The following KCNIP4 variants were observed in gnomAD, a reference collection of about 807,000 sequenced individuals.
The protein encoded by KCNIP4 is potassium voltage-gated channel interacting protein 4.
In KCNIP4, 12 loss-of-function variants were observed where a neutral mutation model predicts 34.0. The observed-to-expected ratio is 0.35, with a 90% confidence interval of 0.23 to 0.57. The LOEUF (loss-of-function observed/expected upper bound fraction) is 0.57. KCNIP4 is among the 20% of genes least tolerant of loss of function. The probability of loss-of-function intolerance (pLI) is 0.83; values close to 1 mark genes in which losing one functional copy is unlikely to be tolerated. For synonymous variants in KCNIP4, 124 were observed against 102.2 expected, an observed-to-expected ratio of 1.21 and a Z score of -1.29; for missense variants, 238 against 311.7, an observed-to-expected ratio of 0.76 and a Z score of 1.78.
intron 1 of KCNIP4, among the ~76,000 whole-genome samples, chr4:21,030,334 T>A (rs1046020375): frequency 6.6e-6 from 1 of 152,312 alleles, no homozygotes; most frequent in South Asian, 2.1e-4. Context: ...TACCCTCAGA[T>A]GGGACTATCT....
chr4:20,944,893 T>A (rs973324950), intron 1 of KCNIP4, among the ~76,000 whole-genome samples: 85 of 152,334 alleles, frequency 5.6e-4, no homozygotes, highest in African/African-American at 1.9e-3. Flanking sequence ...TTGCCTCTCT[T>A]AGGTACAGTT....
intron 1 of KCNIP4, among the ~76,000 whole-genome samples, chr4:21,352,768 A>G (rs1718148471): frequency 6.6e-6 from 1 of 152,172 alleles, no homozygotes; most frequent in Admixed American, 6.5e-5. Context: ...CTCTGAAGAG[A>G]GCAGTGGTTC....
chr4:21,782,387 C>A (rs1217430523), intron 1 of KCNIP4, among the ~76,000 whole-genome samples: 2 of 152,148 alleles, frequency 1.3e-5, no homozygotes, highest in African/African-American at 2.4e-5. Flanking sequence ...AATGAAAATT[C>A]ATCTTTACAT....
chr4:21,749,203 G>A (rs953992885), intron 1 of KCNIP4, among the ~76,000 whole-genome samples: 3 of 152,134 alleles, frequency 2.0e-5, no homozygotes, highest in Admixed American at 2.0e-4. Context: ...TGGTGTTCAT[G>A]CTTTCCTCCC....
intron 3 of KCNIP4, among the ~76,000 whole-genome samples, chr4:20,849,706 A>G (rs1028425160): frequency 2.0e-5 from 3 of 152,204 alleles, no homozygotes; most frequent in Non-Finnish European, 2.9e-5. Context: ...TTCCATATGT[A>G]TAAGAACAAA....
intron 1 of KCNIP4, among the ~76,000 whole-genome samples, chr4:21,109,610 G>T (rs1270197728): frequency 6.6e-6 from 1 of 152,182 alleles, no homozygotes; most frequent in Non-Finnish European, 1.5e-5. Flanking sequence ...TGCACCCACT[G>T]TCCTGCACCC....
At chr4:21,072,858 C>A (rs13434831) in intron 1 of KCNIP4, among the ~76,000 whole-genome samples, 4,482 of 152,144 alleles carry the variant, frequency 0.029, 184 homozygotes, top group African/African-American at 0.1. Flanking sequence ...TCAGTTTTCT[C>A]CATATGGCTA....
intron 1 of KCNIP4, among the ~76,000 whole-genome samples, chr4:21,472,908 C>T (rs1027725051): frequency 4.6e-5 from 7 of 152,138 alleles, no homozygotes; most frequent in Admixed American, 6.5e-5. Flanking sequence ...TGGCTCATAG[C>T]TAGCATTAGC....
At chr4:20,912,306 C>A (rs1057389936) in intron 1 of KCNIP4, among the ~76,000 whole-genome samples, 2 of 151,840 alleles carry the variant, frequency 1.3e-5, no homozygotes, top group African/African-American at 2.4e-5. Flanking sequence ...GCCACACACA[C>A]AAAAAATTAG....
chr4:21,030,584 T>A (rs1286267254), intron 1 of KCNIP4, among the ~76,000 whole-genome samples: 1 of 152,180 alleles, frequency 6.6e-6, no homozygotes, highest in African/African-American at 2.4e-5. Context: ...TTTAACAAAC[T>A]GTTTCTTACT....
intron 1 of KCNIP4, among the ~76,000 whole-genome samples, chr4:20,991,494 G>A: frequency 6.6e-6 from 1 of 152,132 alleles, no homozygotes; most frequent in East Asian, 1.9e-4. Flanking sequence ...TCCAGGCACT[G>A]AGAAATCTGA....
At chr4:21,198,113 T>G (rs552570225) in intron 1 of KCNIP4, among the ~76,000 whole-genome samples, 3 of 152,226 alleles carry the variant, frequency 2.0e-5, no homozygotes, top group Non-Finnish European at 4.4e-5. Context: ...GGTAAGGACC[T>G]GAAATCCAAA....
chr4:20,950,537 G>A (rs796215720), intron 1 of KCNIP4, among the ~76,000 whole-genome samples: 6 of 152,174 alleles, frequency 3.9e-5, no homozygotes, highest in African/African-American at 1.2e-4. Flanking sequence ...AAGCCACTGA[G>A]AAGAGATCTA....
chr4:21,144,412 T>C (rs1752201335), intron 1 of KCNIP4, among the ~76,000 whole-genome samples: 1 of 152,238 alleles, frequency 6.6e-6, no homozygotes, highest in African/African-American at 2.4e-5. Context: ...GGACTGTTTA[T>C]TCATCCCAGA....
At chr4:21,833,417 T>C (rs1327158443) in intron 1 of KCNIP4, among the ~76,000 whole-genome samples, 6 of 152,122 alleles carry the variant, frequency 3.9e-5, no homozygotes, top group Non-Finnish European at 5.9e-5. Flanking sequence ...TCATGTCCTT[T>C]GCCCACTTTT....
intron 1 of KCNIP4, among the ~76,000 whole-genome samples, chr4:21,229,947 G>A (rs149905663): frequency 6.6e-6 from 1 of 152,180 alleles, no homozygotes; most frequent in Non-Finnish European, 1.5e-5. Context: ...CAACTGTATT[G>A]GGTTAAATAG....
intron 1 of KCNIP4, among the ~76,000 whole-genome samples, chr4:21,606,081 T>G (rs549044782): frequency 2.0e-5 from 3 of 152,168 alleles, no homozygotes; most frequent in African/African-American, 7.2e-5. Flanking sequence ...TACTGGGGAG[T>G]TGAACCCATG....
At chr4:20,926,410 G>C (rs2149593563) in intron 1 of KCNIP4, among the ~76,000 whole-genome samples, 1 of 152,302 alleles carries the variant, frequency 6.6e-6, no homozygotes, top group African/African-American at 2.4e-5. Context: ...TATGTCATCT[G>C]CTTGCCCACC....
intron 1 of KCNIP4, among the ~76,000 whole-genome samples, chr4:21,094,702 C>T (rs1010069291): frequency 1.4e-4 from 21 of 152,082 alleles, no homozygotes; most frequent in Non-Finnish European, 7.4e-5. Context: ...CAACTTCTGC[C>T]GTGTCTTTTC....
Sources: gnomAD v4.1 joint callset for allele counts (sites outside exome capture counted in the v4.1 genomes callset) on GRCh38, gnomAD v4.1.1 for gene constraint, MANE v1.5 for transcripts, NCBI Gene and HGNC (gene_info 2026-07-23, HGNC 2026-07-21) for gene names.